COL6A3: variants seen among roughly 807,000 people sequenced by gnomAD.
The protein encoded by COL6A3 is collagen alpha-3(VI) chain.
Under a neutral mutation model 274.1 loss-of-function variants are expected in COL6A3, and 137 were observed. The observed-to-expected ratio is 0.50, with a 90% CI of 0.44 to 0.58. The LOEUF (loss-of-function observed/expected upper bound fraction) is 0.58, where lower values mean the gene tolerates loss of function less well. Ranked by LOEUF, COL6A3 falls within the 20% of genes least tolerant of loss-of-function variation. The probability of loss-of-function intolerance (pLI) is 0.00; values close to 1 mark genes in which losing one functional copy is unlikely to be tolerated. For synonymous variants in COL6A3, 1,650 were observed against 1,650.6 expected (o/e 1.00, Z 0.01); for missense variants, 3,950 against 4,124.9 (o/e 0.96, Z 1.16).
intron 7 of COL6A3, among the ~76,000 whole-genome samples, chr2:237,376,345 A>G (rs1382164317): frequency 1.3e-5 from 2 of 152,212 alleles, no homozygotes; most frequent in Non-Finnish European, 2.9e-5. Context: ...TACTCCTTTA[A>G]TTTTTAATGA....
In COL6A3 at chr2:237,340,908, C is replaced by A; in HGVS notation, c.8008G>T (p.Ala2670Ser). The part of the protein sequence containing the change: ...HFARVAVVQH[A>S]PSESVDNASM... Reference sequence around the variant, plus strand: ...GCATTGTCCACGGACTCAGAGGGCGCGTGCTGCACAACTGCCACTCTGGCG... The same window carrying A: ...GCATTGTCCACGGACTCAGAGGGCGAGTGCTGCACAACTGCCACTCTGGCG... The change falls in exon 38 of 44, where the codon GCG (alanine) becomes TCG (serine). Residue 2670 changes from alanine to serine, a missense_variant. Physicochemically the swap from Ala to Ser is moderately conservative, Grantham distance 99 (BLOSUM62 1). Coordinates refer to ENST00000295550, the MANE Select transcript of COL6A3 (RefSeq NM_004369.4). 1 of 1,613,124 alleles carries A rather than the reference C, an allele frequency of 6.2e-7. No individual in the cohort carries two copies. The highest frequency in any genetic ancestry group is 2.2e-5 in the East Asian group (1 of 44,848).
At chr2:237,363,111 A>C in intron 14 of COL6A3, 142 bp downstream of exon 14, 1 of 871,586 alleles carries the variant, frequency 1.1e-6, no homozygotes, top group Non-Finnish European at 1.9e-6. Context: ...GCAGTTCCCA[A>C]GTGAATTAAA....
Position 237,376,224 on chromosome 2 carries a change from C to A in COL6A3, c.3070+548G>T, listed in dbSNP as rs1377759789. Reference sequence around the variant, plus strand: ...CATACAGGGGAAATTACTCTCTTCACTGCATTTTTATCACTAAATTAAAGG... The same window carrying A: ...CATACAGGGGAAATTACTCTCTTCAATGCATTTTTATCACTAAATTAAAGG... On this transcript the variant is annotated intron_variant, in intron 7 of 43. Transcript: ENST00000295550. 9.9e-5 allele frequency among the ~76,000 whole-genome samples: 15 copies of A among 152,284 alleles called. No homozygotes were observed. The East Asian group carries it at 2.9e-3, about 29-fold the overall frequency.
chr2:237,332,203 G>A (rs1700298689), intron 42 of COL6A3, among the ~76,000 whole-genome samples: 1 of 147,178 alleles, frequency 6.8e-6, no homozygotes. Context: ...ATACAATCTT[G>A]TCCCTTTTGG....
At position 237,381,470 on chromosome 2, in the gene COL6A3, A is replaced by G; in HGVS notation, c.1342T>C (p.Phe448Leu). The G allele has an allele frequency of 6.2e-7, 1 of 1,605,990 alleles. No individual in the cohort carries two copies. The highest frequency in any genetic ancestry group is 1.7e-4 in the Middle Eastern group (1 of 6,060). The change falls in exon 5 of 44, where the codon TTC becomes CTC. Residue 448 changes from phenylalanine to leucine, a missense_variant. Phe to Leu is a conservative substitution (Grantham distance 22, BLOSUM62 0). Around this residue, in one of 5 missense-constraint regions of COL6A3, gnomAD observed 1,934 missense variants for 1,984.3 expected, o/e 0.97. Transcript: ENST00000295550. ...AGTGCAGATGAGCCATCCACCAGGAAGACTATGTCTCTCTTGTTGACTTCA... is the reference window on the plus strand; with the variant it reads ...AGTGCAGATGAGCCATCCACCAGGAGGACTATGTCTCTCTTGTTGACTTCA... ...VIEVNKRDIV[F>L]LVDGSSALGL...
chr2:237,375,753 G>C (rs2077822221), intron 7 of COL6A3, among the ~76,000 whole-genome samples: 1 of 152,188 alleles, frequency 6.6e-6, no homozygotes, highest in Non-Finnish European at 1.5e-5. Context: ...ATGTTGGTCA[G>C]GCTGGTCTCC....
At chr2:237,379,705 C>T (rs1037132304) in intron 5 of COL6A3, among the ~76,000 whole-genome samples, 18 of 152,108 alleles carry the variant, frequency 1.2e-4, no homozygotes, top group Non-Finnish European at 7.4e-5. Context: ...CCTGAGAAAA[C>T]GAGTTCCTTA....
At position 237,361,869 on chromosome 2, in the gene COL6A3, A is replaced by G; in HGVS notation, c.6064-38T>C. ...AGAGAAACCAAATGTTCAGATCTCA[A>G]GAAATGCCCAGCAGAAAATCATAAA... On this transcript the variant is annotated intron_variant, in intron 14 of 43. Coordinates refer to ENST00000295550, the MANE Select transcript of COL6A3 (RefSeq NM_004369.4). This position sits in a 1 kb window ranked among gnomAD's most constrained non-coding sequence, Gnocchi z 5.1. 6.4e-7 allele frequency: 1 copy of G among 1,559,932 alleles called. No individual in the cohort carries two copies. Among genetic ancestry groups the G allele is most frequent in the Non-Finnish European group, 8.8e-7 (1 of 1,130,468 alleles).
At chr2:237,399,681 C>T (rs1201626562) in intron 1 of COL6A3, among the ~76,000 whole-genome samples, 5 of 152,192 alleles carry the variant, frequency 3.3e-5, no homozygotes, top group African/African-American at 1.2e-4. Flanking sequence ...ACCCAGAATT[C>T]CCCAAACACA....
chr2:237,334,080 AGGCCTCAGTGAAATGGGGG>A (rs1185618456), intron 41 of COL6A3, among the ~76,000 whole-genome samples: 2 of 152,236 alleles, frequency 1.3e-5, no homozygotes, highest in African/African-American at 2.4e-5. Flanking sequence ...ACTCAAGTGC[AGGCCTCAGTGAAATGGGGG>A]GGCCCCTGGG....
chr2:237,364,725 T>C lies in COL6A3; in HGVS notation c.5839-297A>G, dbSNP rs1452923036. 1.3e-5 allele frequency among the ~76,000 whole-genome samples: 2 copies of C among 151,286 alleles called. No homozygotes were observed. The highest frequency in any genetic ancestry group is 3.0e-5 in the Non-Finnish European group (2 of 67,736). On this transcript the variant is annotated intron_variant, in intron 12 of 43. Coordinates refer to ENST00000295550, the MANE Select transcript of COL6A3 (RefSeq NM_004369.4). The surrounding 1 kb of genome is among the most constrained non-coding windows in gnomAD (Gnocchi z 4.6). ...GTAGTTTCTGCGAATCATATGCATA[T>C]GTGTGCATGCATGTGTGCGTGCATG...
Position 237,359,019 on chromosome 2 carries a change from G to A in COL6A3, c.6408+16C>T, listed in dbSNP as rs531635518. The A allele has an allele frequency of 5.0e-5, 81 of 1,611,136 alleles. No individual in the cohort carries two copies. The highest frequency in any genetic ancestry group is 3.6e-4 in the South Asian group (33 of 91,004). On this transcript the variant is annotated intron_variant, in intron 20 of 43. Coordinates refer to ENST00000295550, the MANE Select transcript of COL6A3 (RefSeq NM_004369.4). ...ATATTCTTTCCATAATAGCACCACC[G>A]TGGAAATACACCTACCCTTCTTCCA... is the stretch of plus-strand genomic sequence containing the variant.
chr2:237,342,022 C>T (rs1382857650), intron 37 of COL6A3, 43 bp downstream of exon 37: 3 of 1,505,438 alleles, frequency 2.0e-6, no homozygotes, highest in African/African-American at 1.4e-5. Flanking sequence ...TTATGTTTTG[C>T]AATTGCAGCT....
Position 237,344,658 on chromosome 2 carries a change from C to A in COL6A3, c.7360G>T (p.Val2454Leu), listed in dbSNP as rs147792340. Residue 2454 changes from valine (V) to leucine (L), a missense_variant, in exon 36 of 44, where the codon GTG becomes TTG. Physicochemically the swap from Val to Leu is conservative, Grantham distance 32 (BLOSUM62 1). This residue lies in a region of COL6A3 where 1,284 missense variants were observed against 1,349.7 expected (regional missense o/e 0.95). Coordinates refer to ENST00000295550, the MANE Select transcript of COL6A3 (RefSeq NM_004369.4). This position sits in a 1 kb window ranked among gnomAD's most constrained non-coding sequence, Gnocchi z 4.8. ...RVAVVTYNNE[V>L]TTEIRFADSK... ...TCAGCAAACCGGATCTCCGTGGTCACCTCGTTGTTGTAGGTGACCACAGCC... is the reference window on the plus strand; with the variant it reads ...TCAGCAAACCGGATCTCCGTGGTCAACTCGTTGTTGTAGGTGACCACAGCC... The A allele has an allele frequency of 1.2e-6, 2 of 1,613,492 alleles. No individual in the cohort carries two copies. Among genetic ancestry groups the A allele is most frequent in the Non-Finnish European group, 1.7e-6 (2 of 1,179,498 alleles).
intron 24 of COL6A3, 131 bp from the exon 25 acceptor site, chr2:237,353,534 CAG>C (rs1370826916): frequency 1.3e-6 from 1 of 770,956 alleles, no homozygotes; most frequent in Non-Finnish European, 2.2e-6. Context: ...CCAGAGGTAA[CAG>C]ATGATCAAAG....
chr2:237,396,868 A>G (rs776657134), intron 1 of COL6A3, 21 bp from the exon 2 acceptor site: 1 of 1,548,134 alleles, frequency 6.5e-7, no homozygotes, highest in South Asian at 1.1e-5. Context: ...AAACAGGGCA[A>G]AGGGAATGAT....
chr2:237,400,874 TTA>T (rs2078571880), intron 1 of COL6A3, among the ~76,000 whole-genome samples: 1 of 152,142 alleles, frequency 6.6e-6, no homozygotes. Flanking sequence ...ATTAAAAGGA[TTA>T]TACACTCTAA....
Position 237,333,522 on chromosome 2 carries a change from G to A in COL6A3, c.9256C>T (p.Pro3086Ser). ...TKKSQPPPPQPARSASSSTIN... is the reference protein window; with the variant it reads ...TKKSQPPPPQSARSASSSTIN... Reference sequence around the variant, plus strand: ...GTTGAACTAGAAGCTGACCTTGCTGGCTGTGGAGGTGGGGGCTGAGATTTC... The same window carrying A: ...GTTGAACTAGAAGCTGACCTTGCTGACTGTGGAGGTGGGGGCTGAGATTTC... The change falls in exon 42 of 44, where the codon CCA (proline) becomes TCA (serine). Residue 3086 changes from proline (P) to serine (S), a missense_variant. By Grantham distance (74) the Pro-to-Ser change is moderately conservative. This residue lies in a region of COL6A3 where 1,284 missense variants were observed against 1,349.7 expected (regional missense o/e 0.95). Coordinates refer to ENST00000295550, the MANE Select transcript of COL6A3 (RefSeq NM_004369.4). 6.2e-7 allele frequency: 1 copy of A among 1,614,206 alleles called. No homozygotes were observed. Among genetic ancestry groups the A allele is most frequent in the Non-Finnish European group, 8.5e-7 (1 of 1,180,026 alleles).
In COL6A3 at chr2:237,413,554, G is replaced by A. The variant is rs974547637; in HGVS notation, c.-31+399C>T. On this transcript the variant is annotated intron_variant, in intron 1 of 43. Coordinates refer to ENST00000295550, the MANE Select transcript of COL6A3 (RefSeq NM_004369.4). The surrounding 1 kb of genome is among the most constrained non-coding windows in gnomAD (Gnocchi z 4.0). ...TCAGAGAACATCTCCCAGCGGAGCCGCCCGGCAGGGAGCTATGCTAGTCCT... is the reference window on the plus strand; with the variant it reads ...TCAGAGAACATCTCCCAGCGGAGCCACCCGGCAGGGAGCTATGCTAGTCCT... 2.0e-5 allele frequency among the ~76,000 whole-genome samples: 3 copies of A among 152,198 alleles called. No homozygotes were observed. The highest frequency in any genetic ancestry group is 3.8e-4 in the East Asian group (2 of 5,198).
Sources: gnomAD v4.1 joint callset for allele counts (sites outside exome capture counted in the v4.1 genomes callset) on GRCh38, gnomAD v4.1.1 for gene constraint, gnomAD v4.1.1 regional missense constraint, Gnocchi (gnomAD v3.1) non-coding constraint, MANE v1.5 for transcripts, NCBI Gene and HGNC (gene_info 2026-07-23, HGNC 2026-07-21) for gene names.